The following DLG2 variants were observed in gnomAD, a reference collection of about 807,000 sequenced individuals.
The protein encoded by DLG2 is discs large MAGUK scaffold protein 2.
DLG2 carries 45 observed loss-of-function variants against 132.5 expected under a neutral mutation model. The ratio of observed to expected loss-of-function variants is 0.34; its 90% confidence interval spans 0.27 to 0.44. DLG2 has a LOEUF of 0.44. Ranked by LOEUF, DLG2 falls within the 20% of genes least tolerant of loss-of-function variation. The pLI is 1.00. For missense variants in DLG2, 1,045 were observed against 1,196.9 expected (o/e 0.87, Z 1.87); for synonymous variants, 424 against 419.6 (o/e 1.01, Z -0.13).
At chr11:83,515,676 C>T (rs1480300542) in intron 21 of DLG2, among the ~76,000 whole-genome samples, 4 of 152,096 alleles carry the variant, frequency 2.6e-5, no homozygotes, top group African/African-American at 4.8e-5. Context: ...TATAAATTTC[C>T]CTCTACACAC....
intron 15 of DLG2, among the ~76,000 whole-genome samples, chr11:83,874,795 GA>G (rs1169778860): frequency 6.6e-6 from 1 of 152,072 alleles, no homozygotes. Context: ...GTGATAGGTA[GA>G]ACCCTCCACC....
In DLG2 at chr11:85,104,872, C is replaced by CAAAAAAAAAAA. The variant is rs56043190; in HGVS notation, c.357+6778_357+6788dup. Among the ~76,000 whole-genome samples, 3 of 56,044 alleles carry CAAAAAAAAAAA rather than the reference C, an allele frequency of 5.4e-5. 1 individual carries two copies. The highest frequency in any genetic ancestry group is 2.1e-4 in the African/African-American group (3 of 14,602). The allele number at this position is 56,044 out of a possible 152,430, so 36.8% of individuals were successfully genotyped here. On this transcript the variant is annotated intron_variant, in intron 6 of 27. Coordinates refer to ENST00000376104, the MANE Select transcript of DLG2 (RefSeq NM_001142699.3). ...TTCTATTAGATCTTTGGCTGAATGG[C>CAAAAAAAAAAA]AAAAAAAAAAAAAAAAAAAAAAAAA...
At chr11:83,664,329 T>C (rs1592011008) in intron 18 of DLG2, among the ~76,000 whole-genome samples, 2 of 152,198 alleles carry the variant, frequency 1.3e-5, no homozygotes, top group Non-Finnish European at 2.9e-5. Context: ...ATTAAATGTC[T>C]GCATATTTTG....
At chr11:83,648,530 A>G (rs2153508562) in intron 18 of DLG2, among the ~76,000 whole-genome samples, 1 of 152,292 alleles carries the variant, frequency 6.6e-6, no homozygotes, top group South Asian at 2.1e-4. Context: ...CCCTTATAAT[A>G]AAACCTCTGG....
At chr11:83,546,920 T>G (rs1250544907) in intron 19 of DLG2, among the ~76,000 whole-genome samples, 1 of 152,148 alleles carries the variant, frequency 6.6e-6, no homozygotes, top group Non-Finnish European at 1.5e-5. Flanking sequence ...TTAAACAACA[T>G]GTTCAATGTC....
intron 11 of DLG2, among the ~76,000 whole-genome samples, chr11:84,054,780 T>C (rs1362811597): frequency 2.0e-5 from 3 of 152,090 alleles, no homozygotes; most frequent in Non-Finnish European, 4.4e-5. Flanking sequence ...CAAATCACTG[T>C]TTCACAGAAT....
At chr11:85,276,231 G>A (rs78870763) in intron 4 of DLG2, among the ~76,000 whole-genome samples, 33 of 152,096 alleles carry the variant, frequency 2.2e-4, no homozygotes, top group South Asian at 1.2e-3. Context: ...CTTTCTCTGC[G>A]GGAGAAAAAA....
chr11:84,175,206 G>A (rs529882783), intron 8 of DLG2, among the ~76,000 whole-genome samples: 84 of 152,224 alleles, frequency 5.5e-4, no homozygotes, highest in African/African-American at 1.6e-3. Context: ...ACATAGCAGA[G>A]CACCTCTCTT....
At chr11:85,140,467 T>C (rs1351885171) in intron 5 of DLG2, among the ~76,000 whole-genome samples, 1 of 151,956 alleles carries the variant, frequency 6.6e-6, no homozygotes, top group Non-Finnish European at 1.5e-5. Context: ...GATAGTTATA[T>C]ATATTTATAG....
At chr11:84,384,435 G>C (rs1373052231) in intron 7 of DLG2, among the ~76,000 whole-genome samples, 4 of 151,994 alleles carry the variant, frequency 2.6e-5, no homozygotes, top group African/African-American at 9.7e-5. Context: ...TGTTGTCGAA[G>C]ATAGTTGGGA....
At chr11:85,162,540 A>T (rs2078112212) in intron 4 of DLG2, among the ~76,000 whole-genome samples, 2 of 152,238 alleles carry the variant, frequency 1.3e-5, no homozygotes. Context: ...CTTTTGTTAA[A>T]AACATGTGTA....
At chr11:85,306,416 TAC>T (rs1297632393) in intron 3 of DLG2, among the ~76,000 whole-genome samples, 1 of 152,178 alleles carries the variant, frequency 6.6e-6, no homozygotes, top group Non-Finnish European at 1.5e-5. Flanking sequence ...GTATTAAAAA[TAC>T]ATAGCTGGCA....
At chr11:84,988,422 A>G (rs1330224769) in intron 6 of DLG2, among the ~76,000 whole-genome samples, 1 of 152,224 alleles carries the variant, frequency 6.6e-6, no homozygotes, top group African/African-American at 2.4e-5. Context: ...ATGCATATTT[A>G]TAGCAGCAAA....
intron 7 of DLG2, among the ~76,000 whole-genome samples, chr11:84,523,174 A>G (rs2099309728): frequency 6.6e-6 from 1 of 152,204 alleles, no homozygotes; most frequent in Non-Finnish European, 1.5e-5. Context: ...TCTTAGATAC[A>G]TACACACTTT....
chr11:84,388,659 C>G (rs945442439), intron 7 of DLG2, among the ~76,000 whole-genome samples: 1 of 151,178 alleles, frequency 6.6e-6, no homozygotes, highest in African/African-American at 2.4e-5. Context: ...GATGAAGCAG[C>G]AAATGGGAGA....
At chr11:83,661,278 G>A (rs2074199776) in intron 18 of DLG2, among the ~76,000 whole-genome samples, 1 of 152,092 alleles carries the variant, frequency 6.6e-6, no homozygotes, top group Admixed American at 6.5e-5. Flanking sequence ...TCTATTAGAT[G>A]AGAATATAAT....
At chr11:84,085,184 A>G (rs1272730792) in intron 10 of DLG2, among the ~76,000 whole-genome samples, 1 of 152,236 alleles carries the variant, frequency 6.6e-6, no homozygotes, top group African/African-American at 2.4e-5. Context: ...AACTGCTCAG[A>G]AAAACCAATT....
At chr11:84,654,919 G>A (rs2099686391) in intron 6 of DLG2, among the ~76,000 whole-genome samples, 1 of 152,126 alleles carries the variant, frequency 6.6e-6, no homozygotes, top group African/African-American at 2.4e-5. Flanking sequence ...CAGACCACCT[G>A]TCTCATTAAA....
chr11:85,254,351 T>C (rs2076554303), intron 4 of DLG2, among the ~76,000 whole-genome samples: 1 of 152,224 alleles, frequency 6.6e-6, no homozygotes, highest in African/African-American at 2.4e-5. Context: ...ATATAGAGAA[T>C]ATAATGTTGC....
Sources: gnomAD v4.1 joint callset for allele counts (sites outside exome capture counted in the v4.1 genomes callset) on GRCh38, gnomAD v4.1.1 for gene constraint, MANE v1.5 for transcripts, NCBI Gene and HGNC (gene_info 2026-07-23, HGNC 2026-07-21) for gene names.